Variants in PRPF8 observed in about 807,000 individuals in gnomAD.
The protein encoded by PRPF8 is pre-mRNA-processing-splicing factor 8.
In PRPF8, 64 loss-of-function variants were observed where a neutral mutation model predicts 285.9. That is an observed-to-expected ratio of 0.22 (90% CI 0.18 to 0.28). The LOEUF (loss-of-function observed/expected upper bound fraction) is 0.28, where lower values mean the gene tolerates loss of function less well. Among genes scored for constraint, PRPF8 ranks in the 10% least tolerant of loss-of-function variants. The probability of loss-of-function intolerance (pLI) is 1.00; values close to 1 mark genes in which losing one functional copy is unlikely to be tolerated. For synonymous variants in PRPF8, 1,325 were observed against 1,118.2 expected (o/e 1.18, Z -3.69); for missense variants, 1,426 against 3,026.7 (o/e 0.47, Z 12.41).
Position 1,653,261 on chromosome 17 carries a change from G to A in PRPF8, c.6369+281C>T, listed in dbSNP as rs574745234. The A allele has an allele frequency of 3.8e-5, 21 of 557,826 alleles. No individual in the cohort carries two copies. The South Asian group carries it at 4.2e-4, about 11-fold the overall frequency. 34.6% of individuals were successfully genotyped at this position (557,826 alleles called of 1,614,324 possible). The stretch of plus-strand genomic sequence containing the variant: ...AGCCGAGTGTTGGGATTACAGGCAT[G>A]AGCCAGCACGCACACCTGGTCAGGA... On this transcript the variant is annotated intron_variant, in intron 39 of 42. Transcript: ENST00000304992. This position sits in a 1 kb window ranked among gnomAD's most constrained non-coding sequence, Gnocchi z 4.9.
In PRPF8 at chr17:1,673,318, G is replaced by A. The variant is rs755105273; in HGVS notation, c.3657+39C>T. The A allele has an allele frequency of 3.7e-6, 6 of 1,611,366 alleles. No individual in the cohort carries two copies. The highest frequency in any genetic ancestry group is 5.1e-6 in the Non-Finnish European group (6 of 1,178,094). Reference sequence around the variant, plus strand: ...TCCGGTGACTGACCCAGGAAGTGCAGGCGCGTTCATGTCACTCCCAGCCCC... The same window carrying A: ...TCCGGTGACTGACCCAGGAAGTGCAAGCGCGTTCATGTCACTCCCAGCCCC... On this transcript the variant is annotated intron_variant, in intron 23 of 42. Coordinates refer to ENST00000304992, the MANE Select transcript of PRPF8 (RefSeq NM_006445.4). The surrounding 1 kb of genome is among the most constrained non-coding windows in gnomAD (Gnocchi z 5.5).
At chr17:1,672,932 C>G in intron 24 of PRPF8, 149 bp downstream of exon 24, 1 of 782,184 alleles carries the variant, frequency 1.3e-6, no homozygotes, top group Non-Finnish European at 2.3e-6. Flanking sequence ...ACCTGACATA[C>G]TATAAGCCAC....
rs1206536203 is a variant in PRPF8 at position 1,651,731 on chromosome 17, G to A, written c.6427C>T (p.Arg2143Cys). Residue 2143 changes from arginine to cysteine, a missense_variant, in exon 40 of 43, where the codon CGC becomes TGC. Arg to Cys is a radical substitution (Grantham distance 180). Around this residue, in one of 34 missense-constraint regions of PRPF8, gnomAD observed 160 missense variants for 373.7 expected, o/e 0.43. Coordinates refer to ENST00000304992, the MANE Select transcript of PRPF8 (RefSeq NM_006445.4). The surrounding 1 kb of genome is among the most constrained non-coding windows in gnomAD (Gnocchi z 5.1). The part of the protein sequence containing the change: ...PPDNPQVKEI[R>C]CIVMVPQWGT... The stretch of plus-strand genomic sequence containing the variant: ...CACTGCGGCACCATCACAATGCAGC[G>A]GATCTCCTTCACCTGGGGGTTATCT... 7 of 1,614,014 alleles carry A rather than the reference G, an allele frequency of 4.3e-6. No individual in the cohort carries two copies. Among genetic ancestry groups the A allele is most frequent in the East Asian group, 4.5e-5 (2 of 44,894 alleles).
rs768024986 is a variant in PRPF8 at position 1,682,182 on chromosome 17, G to A, written c.381C>T (p.Ser127=). 1.9e-6 allele frequency: 3 copies of A among 1,614,120 alleles called. No homozygotes were observed. The highest frequency in any genetic ancestry group is 1.1e-5 in the South Asian group (1 of 91,086). ...TGACCCAGGGAATCTCATTGACGAA[G>A]GAAATGGCTCCAGTGATGTGGTACA... The part of the protein sequence containing the change: ...PVLYHITGAI[S]FVNEIPWVIE... The change falls in exon 4 of 43, where the codon TCC becomes TCT. Residue 127 remains serine, a synonymous_variant. Transcript: ENST00000304992.
In PRPF8 at chr17:1,679,006, A is replaced by C; in HGVS notation, c.1599+11T>G. ...GAAGCCCAGGAGGCCCCTAGGGTCC[A>C]ATGCAGGCACCTTGGTGGTGAGCGT... On this transcript the variant is annotated intron_variant, in intron 11 of 42. Coordinates refer to ENST00000304992, the MANE Select transcript of PRPF8 (RefSeq NM_006445.4). This position sits in a 1 kb window ranked among gnomAD's most constrained non-coding sequence, Gnocchi z 4.7. 1 of 1,614,084 alleles carries C rather than the reference A, an allele frequency of 6.2e-7. No individual in the cohort carries two copies. The highest frequency in any genetic ancestry group is 8.5e-7 in the Non-Finnish European group (1 of 1,180,036).
intron 24 of PRPF8, among the ~76,000 whole-genome samples, chr17:1,670,935 CA>C (rs760394063): frequency 2.5e-3 from 298 of 119,524 alleles, no homozygotes; most frequent in Admixed American, 2.2e-3. Context: ...TGTGGGAAGC[CA>C]AAAAAAAAAA....
rs2151116537 is a variant in PRPF8 at position 1,661,449 on chromosome 17, T to C, written c.4203-43A>G. The C allele has an allele frequency of 3.1e-6, 5 of 1,613,920 alleles. No individual in the cohort carries two copies. The highest frequency in any genetic ancestry group is 1.7e-4 in the Middle Eastern group (1 of 6,038). On this transcript the variant is annotated intron_variant, in intron 26 of 42. Coordinates refer to ENST00000304992, the MANE Select transcript of PRPF8 (RefSeq NM_006445.4). This position sits in a 1 kb window ranked among gnomAD's most constrained non-coding sequence, Gnocchi z 7.3. ...ATTCAAGTCAAAACGTGATCTCATA[T>C]GAGGAGCTCAGCACTCCTTCCTGGC...
chr17:1,661,018 A>G lies in PRPF8; in HGVS notation c.4483T>C (p.Phe1495Leu). The G allele has an allele frequency of 1.2e-6, 2 of 1,614,130 alleles. No homozygotes were observed. Among genetic ancestry groups the G allele is most frequent in the African/African-American group, 1.3e-5 (1 of 75,042 alleles). ...CAGAAAAGCCCCTCCCAGGTAGGGA[A>G]GTAAGTGCCCTTAAAGAGTGTGTGT... ...LEHTLFKGTY[F>L]PTWEGLFWEK... Residue 1495 changes from phenylalanine to leucine, a missense_variant, in exon 28 of 43, where the codon TTC becomes CTC. Physicochemically the swap from Phe to Leu is conservative, Grantham distance 22. Coordinates refer to ENST00000304992, the MANE Select transcript of PRPF8 (RefSeq NM_006445.4). The surrounding 1 kb of genome is among the most constrained non-coding windows in gnomAD (Gnocchi z 7.3).
At chr17:1,681,366 C>G in intron 6 of PRPF8, 112 bp downstream of exon 6, 1 of 1,206,956 alleles carries the variant, frequency 8.3e-7, no homozygotes, top group Non-Finnish European at 1.2e-6. Flanking sequence ...CAGCGTGAGC[C>G]ACTGCACCTG....
chr17:1,684,674 G>C, intron 1 of PRPF8, 92 bp from the exon 2 acceptor site: 2 of 1,191,750 alleles, frequency 1.7e-6, no homozygotes, highest in East Asian at 5.1e-5. Context: ...CCGGCCTGCA[G>C]TCCCGCCACA....
In PRPF8 at chr17:1,653,263, G is replaced by A; in HGVS notation, c.6369+279C>T. ...CCGAGTGTTGGGATTACAGGCATGA[G>A]CCAGCACGCACACCTGGTCAGGAAT... On this transcript the variant is annotated intron_variant, in intron 39 of 42. Transcript: ENST00000304992. The surrounding 1 kb of genome is among the most constrained non-coding windows in gnomAD (Gnocchi z 4.9). The A allele has an allele frequency of 1.8e-6, 1 of 562,060 alleles. No individual in the cohort carries two copies. The highest frequency in any genetic ancestry group is 3.1e-5 in the East Asian group (1 of 31,936). 34.8% of individuals were successfully genotyped at this position (562,060 alleles called of 1,614,324 possible).
chr17:1,675,836 A>T lies in PRPF8; in HGVS notation c.2680-24T>A. 6.2e-7 allele frequency: 1 copy of T among 1,614,170 alleles called. No individual in the cohort carries two copies. Among genetic ancestry groups the T allele is most frequent in the African/African-American group, 1.3e-5 (1 of 75,048 alleles). On this transcript the variant is annotated intron_variant, in intron 18 of 42. Coordinates refer to ENST00000304992, the MANE Select transcript of PRPF8 (RefSeq NM_006445.4). The surrounding 1 kb of genome is among the most constrained non-coding windows in gnomAD (Gnocchi z 6.0). ...ACCTGTGGGACAAGGAGGCTGGTTC[A>T]CACCAATCCACCAACTGCTACCTTT...
Position 1,651,812 on chromosome 17 carries a change from C to G in PRPF8, c.6370-24G>C, listed in dbSNP as rs1567674526. 6 of 1,613,174 alleles carry G rather than the reference C, an allele frequency of 3.7e-6. No individual in the cohort carries two copies. The highest frequency in any genetic ancestry group is 5.1e-6 in the Non-Finnish European group (6 of 1,179,336). ...ATCTGGAGACAAAGGGGTCAGGAAC[C>G]AAAACTCTTCTTAGTACCAGGTCAG... is the stretch of plus-strand genomic sequence containing the variant. On this transcript the variant is annotated intron_variant, in intron 39 of 42. Transcript: ENST00000304992. The surrounding 1 kb of genome is among the most constrained non-coding windows in gnomAD (Gnocchi z 5.1).
chr17:1,662,648 T>G (rs2151117235), intron 24 of PRPF8, among the ~76,000 whole-genome samples: 1 of 148,568 alleles, frequency 6.7e-6, no homozygotes, highest in East Asian at 2.0e-4. Flanking sequence ...ACGCCTGTCA[T>G]GCCAGCACTT....
At chr17:1,684,364 G>C (rs909540542) in intron 2 of PRPF8, 108 bp downstream of exon 2, 2 of 1,059,612 alleles carry the variant, frequency 1.9e-6, no homozygotes, top group South Asian at 1.3e-5. Context: ...AATAACAAGG[G>C]AGCTGACACC....
In PRPF8 at chr17:1,678,499, A is replaced by G. The variant is rs758177442; in HGVS notation, c.1854+19T>C. On this transcript the variant is annotated intron_variant, in intron 13 of 42. Transcript: ENST00000304992. ...ACTCTGTCTCAAAAAAAAGAAAGTC[A>G]GTAAAGTCAAGGTCTCACCGTGTTG... 1 of 1,614,040 alleles carries G rather than the reference A, an allele frequency of 6.2e-7. No homozygotes were observed. Among genetic ancestry groups the G allele is most frequent in the African/African-American group, 1.3e-5 (1 of 74,920 alleles).
chr17:1,671,054 C>T (rs565664398), intron 24 of PRPF8, among the ~76,000 whole-genome samples: 13 of 152,250 alleles, frequency 8.5e-5, no homozygotes, highest in Middle Eastern at 3.4e-3. Context: ...ATTTATCCAG[C>T]CTCATCTCTT....
chr17:1,679,734 C>T lies in PRPF8; in HGVS notation c.1164G>A (p.Leu388=). ...FELPEFVEPF[L]KDTPLYTDNT... ...TGTCTGTATAGAGGGGTGTGTCCTTCAGGAAGGGCTCCACAAACTCCGGGA... is the reference window on the plus strand; with the variant it reads ...TGTCTGTATAGAGGGGTGTGTCCTTTAGGAAGGGCTCCACAAACTCCGGGA... Residue 388 remains leucine (L), a synonymous_variant, in exon 9 of 43, where the codon CTG becomes CTA. Coordinates refer to ENST00000304992, the MANE Select transcript of PRPF8 (RefSeq NM_006445.4). The surrounding 1 kb of genome is among the most constrained non-coding windows in gnomAD (Gnocchi z 4.7). 1 of 1,614,182 alleles carries T rather than the reference C, an allele frequency of 6.2e-7. No homozygotes were observed. Among genetic ancestry groups the T allele is most frequent in the Non-Finnish European group, 8.5e-7 (1 of 1,180,042 alleles).
chr17:1,655,262 T>G, intron 37 of PRPF8, 88 bp downstream of exon 37: 497 of 1,503,516 alleles, frequency 3.3e-4, no homozygotes, highest in Middle Eastern at 4.7e-4. Flanking sequence ...CTGGCCTTCT[T>G]GAGAAACTTC....
Sources: allele counts gnomAD v4.1 joint callset (sites outside exome capture counted in the v4.1 genomes callset), GRCh38; gene constraint gnomAD v4.1.1; regional missense constraint gnomAD v4.1.1; non-coding constraint Gnocchi (gnomAD v3.1); transcripts MANE v1.5; gene names NCBI Gene and HGNC (gene_info 2026-07-23, HGNC 2026-07-21).